The following CAMK4 variants were observed in gnomAD, a reference collection of about 807,000 sequenced individuals.
CAMK4 encodes the protein calcium/calmodulin dependent protein kinase IV.
Under a neutral mutation model 44.9 loss-of-function variants are expected in CAMK4, and 22 were observed. The ratio of observed to expected loss-of-function variants is 0.49; its 90% CI spans 0.35 to 0.70. CAMK4 has a LOEUF of 0.70. CAMK4 is among the 30% of genes least tolerant of loss of function. The pLI is 0.01. For missense variants in CAMK4, 498 were observed against 586.8 expected, an observed-to-expected ratio of 0.85 and a Z score of 1.56; for synonymous variants, 218 against 215.4, an observed-to-expected ratio of 1.01 and a Z score of -0.11.
Position 111,376,941 on chromosome 5 carries a change from A to G in CAMK4, c.385A>G (p.Arg129Gly). The change falls in exon 4 of 11, where the codon AGG (arginine) becomes GGG (glycine). Residue 129 changes from arginine (R) to glycine (G), a missense_variant and splice_region_variant. Around this residue, in one of 3 missense-constraint regions of CAMK4, gnomAD observed 203 missense variants for 298.2 expected, o/e 0.68. Coordinates refer to ENST00000282356, the MANE Select transcript of CAMK4 (RefSeq NM_001744.6). Reference protein sequence around the residue: ...ELVTGGELFDRIVEKGYYSER... With the variant: ...ELVTGGELFDGIVEKGYYSER... ...CGTCACAGGAGGAGAACTGTTTGAT[A>G]GGTGAGTTGGTTCTGGAAATATAAC... 2 of 1,587,496 alleles carry G rather than the reference A, an allele frequency of 1.3e-6. No homozygotes were observed. The highest frequency in any genetic ancestry group is 1.7e-6 in the Non-Finnish European group (2 of 1,162,932).
chr5:111,356,444 T>G (rs796758406), intron 2 of CAMK4, among the ~76,000 whole-genome samples: 3,071 of 143,142 alleles, frequency 0.021, no homozygotes, highest in East Asian at 0.11. Context: ...TTTCTCCCAT[T>G]TTGTAGGTTG....
At chr5:111,396,182 T>C (rs1232401343) in intron 5 of CAMK4, among the ~76,000 whole-genome samples, 5 of 152,182 alleles carry the variant, frequency 3.3e-5, no homozygotes, top group African/African-American at 1.2e-4. Flanking sequence ...AAATTTGTTA[T>C]TGAGCTATTA....
chr5:111,317,882 C>G (rs1748492918), intron 1 of CAMK4, among the ~76,000 whole-genome samples: 2 of 93,330 alleles, frequency 2.1e-5, no homozygotes, highest in Admixed American at 1.6e-4. Context: ...AATCCTAAAG[C>G]CGGTGGAGTA....
chr5:111,438,509 A>G (rs993307222), intron 5 of CAMK4, among the ~76,000 whole-genome samples: 7 of 152,216 alleles, frequency 4.6e-5, no homozygotes, highest in African/African-American at 1.4e-4. Flanking sequence ...TTATTGTAAA[A>G]AATTATCCAA....
intron 2 of CAMK4, among the ~76,000 whole-genome samples, chr5:111,369,483 C>T (rs1019457451): frequency 3.3e-5 from 5 of 152,150 alleles, no homozygotes; most frequent in African/African-American, 1.2e-4. Flanking sequence ...TATATTTTAA[C>T]ATAAATAACA....
intron 1 of CAMK4, among the ~76,000 whole-genome samples, chr5:111,235,765 G>C (rs1483779526): frequency 1.3e-5 from 2 of 152,262 alleles, no homozygotes; most frequent in African/African-American, 4.8e-5. Context: ...GTTGGCCTAA[G>C]GATCTGGCTT....
Position 111,493,025 on chromosome 5 carries a change from G to A in CAMK4, c.*8559G>A, listed in dbSNP as rs988546285. On this transcript the variant is annotated 3_prime_UTR_variant, in exon 11 of 11. Transcript: ENST00000282356. The surrounding 1 kb of genome is among the most constrained non-coding windows in gnomAD (Gnocchi z 4.1). ...CTGAGAACCGGCCTGATCATAGAGT[G>A]GAAAAATGAAAGGCAGAGGTGAAGG... 5.3e-5 allele frequency: 8 copies of A among 152,132 alleles called. No individual in the cohort carries two copies. The highest frequency in any genetic ancestry group is 1.9e-4 in the East Asian group (1 of 5,184). The allele number at this position is 152,132 out of a possible 1,614,324, so 9.4% of individuals were successfully genotyped here.
intron 1 of CAMK4, among the ~76,000 whole-genome samples, chr5:111,310,371 G>A (rs1345033412): frequency 6.6e-6 from 1 of 152,182 alleles, no homozygotes; most frequent in Non-Finnish European, 1.5e-5. Context: ...GCTACATCGT[G>A]AGTAAGACGT....
rs145582238 is a variant in CAMK4, at chr5:111,463,045, G to A, written c.626-10266G>A. ...CTGGCATCTTGAGAATTCTAAGACC[G>A]TTTACCAAACTTATTCTGCATTGAA... On this transcript the variant is annotated intron_variant, in intron 7 of 10. Transcript: ENST00000282356. Among the ~76,000 whole-genome samples, 659 of 152,220 alleles carry A rather than the reference G, an allele frequency of 4.3e-3. 2 individuals carry two copies. Among genetic ancestry groups the A allele is most frequent in the Middle Eastern group, 0.02 (6 of 294 alleles).
At chr5:111,230,916 A>G (rs1017887411) in intron 1 of CAMK4, among the ~76,000 whole-genome samples, 5 of 152,172 alleles carry the variant, frequency 3.3e-5, no homozygotes, top group African/African-American at 1.2e-4. Context: ...GGTCAAATTC[A>G]TACTGCAAAA....
chr5:111,330,213 A>G (rs1749105166), intron 1 of CAMK4, among the ~76,000 whole-genome samples: 1 of 151,574 alleles, frequency 6.6e-6, no homozygotes, highest in Admixed American at 6.6e-5. Flanking sequence ...AGAAGCAAAC[A>G]CCCATAAAAG....
chr5:111,472,880 A>G (rs1755112332), intron 7 of CAMK4, among the ~76,000 whole-genome samples: 1 of 152,154 alleles, frequency 6.6e-6, no homozygotes, highest in Non-Finnish European at 1.5e-5. Context: ...TCAGACCCAC[A>G]CACTCGCTGA....
At chr5:111,374,963 G>C (rs1751159286) in intron 3 of CAMK4, 51 bp downstream of exon 3, 1 of 1,281,934 alleles carries the variant, frequency 7.8e-7, no homozygotes. Context: ...GCTAGAGAAA[G>C]GGACCTTTGT....
upstream of CAMK4, chr5:111,224,352 G>T: frequency 7.9e-7 from 1 of 1,269,246 alleles, no homozygotes; most frequent in Non-Finnish European, 1.0e-6. The surrounding 1 kb of genome is among the most constrained non-coding windows in gnomAD (Gnocchi z 5.7). Flanking sequence ...GGCGGCGGCG[G>T]TGGGCGTGTG....
Position 111,484,175 on chromosome 5 carries a change from A to G in CAMK4, c.1131A>G (p.Lys377=), listed in dbSNP as rs1345729572. Residue 377 remains lysine, a synonymous_variant, in exon 11 of 11, where the codon AAA becomes AAG. Coordinates refer to ENST00000282356, the MANE Select transcript of CAMK4 (RefSeq NM_001744.6). This position sits in a 1 kb window ranked among gnomAD's most constrained non-coding sequence, Gnocchi z 5.3. ...EDMKAIPEGE[K]IQGDGAQAAV... ...TGAAAGCTATTCCAGAAGGAGAGAA[A>G]ATTCAAGGCGATGGGGCCCAAGCCG... The G allele has an allele frequency of 6.2e-7, 1 of 1,614,144 alleles. No homozygotes were observed. Among genetic ancestry groups the G allele is most frequent in the Non-Finnish European group, 8.5e-7 (1 of 1,180,010 alleles).
At chr5:111,317,030 C>A (rs1339198700) in intron 1 of CAMK4, among the ~76,000 whole-genome samples, 1 of 151,850 alleles carries the variant, frequency 6.6e-6, no homozygotes, top group African/African-American at 2.4e-5. Context: ...GTTTTTGACC[C>A]AAAAACAGAA....
Position 111,393,681 on chromosome 5 carries a change from CAGAG to C in CAMK4, c.387-1026_387-1023del, listed in dbSNP as rs561346528. ...ACTAAGTGATGAGAATACATGGACA[CAGAG>C]AGGAACAACACACACTGGGGCCTAT... On this transcript the variant is annotated intron_variant, in intron 4 of 10. Transcript: ENST00000282356. 4.6e-4 allele frequency among the ~76,000 whole-genome samples: 70 copies of C among 151,962 alleles called. 1 individual carries two copies. Among genetic ancestry groups the C allele is most frequent in the African/African-American group, 1.7e-3 (69 of 41,468 alleles).
chr5:111,462,040 C>T (rs1270710097), intron 7 of CAMK4, among the ~76,000 whole-genome samples: 1 of 152,184 alleles, frequency 6.6e-6, no homozygotes, highest in Admixed American at 6.5e-5. Flanking sequence ...CTCATCCCAC[C>T]TAGGCATGGC....
chr5:111,233,799 C>G (rs1748584073), intron 1 of CAMK4, among the ~76,000 whole-genome samples: 1 of 152,068 alleles, frequency 6.6e-6, no homozygotes. Context: ...CCTGTTTAAG[C>G]AATCTTTTGA....
Sources: allele counts gnomAD v4.1 joint callset (sites outside exome capture counted in the v4.1 genomes callset), GRCh38; gene constraint gnomAD v4.1.1; regional missense constraint gnomAD v4.1.1; non-coding constraint Gnocchi (gnomAD v3.1); transcripts MANE v1.5; gene names NCBI Gene and HGNC (gene_info 2026-07-23, HGNC 2026-07-21).